Variants in DLG2 observed in about 807,000 individuals in gnomAD.
The protein encoded by DLG2 is discs large MAGUK scaffold protein 2.
A neutral mutation model predicts 132.5 loss-of-function variants in DLG2; 45 were observed. The observed-to-expected ratio is 0.34, with a 90% CI of 0.27 to 0.44. The LOEUF is 0.44. Ranked by LOEUF, DLG2 falls within the 20% of genes least tolerant of loss-of-function variation. The pLI is 1.00. For missense variants in DLG2, 1,045 were observed against 1,196.9 expected (o/e 0.87, Z 1.87); for synonymous variants, 424 against 419.6 (o/e 1.01, Z -0.13).
At chr11:85,615,089 T>C (rs1591331970) in intron 2 of DLG2, among the ~76,000 whole-genome samples, 1 of 152,234 alleles carries the variant, frequency 6.6e-6, no homozygotes, top group Non-Finnish European at 1.5e-5. Context: ...AACAAGAAGA[T>C]ATTATTAATA....
chr11:83,684,702 A>G (rs190591851), intron 18 of DLG2, among the ~76,000 whole-genome samples: 31 of 152,260 alleles, frequency 2.0e-4, no homozygotes, highest in African/African-American at 6.5e-4. Flanking sequence ...TTATTATCTG[A>G]AATGGCTTGG....
At chr11:85,048,117 C>T (rs2062533505) in intron 6 of DLG2, among the ~76,000 whole-genome samples, 1 of 151,680 alleles carries the variant, frequency 6.6e-6, no homozygotes, top group South Asian at 2.1e-4. Flanking sequence ...TTTTGACCTT[C>T]AATACATGAC....
chr11:83,656,341 G>T (rs1186944320), intron 18 of DLG2, among the ~76,000 whole-genome samples: 1 of 152,180 alleles, frequency 6.6e-6, no homozygotes, highest in Non-Finnish European at 1.5e-5. Flanking sequence ...TAGAGCCTCA[G>T]GGCCTTTCCA....
chr11:84,534,244 G>A (rs1272395858), intron 7 of DLG2, among the ~76,000 whole-genome samples: 1 of 152,170 alleles, frequency 6.6e-6, no homozygotes, highest in Non-Finnish European at 1.5e-5. Context: ...GACAAACAGA[G>A]AGCATCTGAG....
chr11:83,799,488 A>T (rs947949262), intron 17 of DLG2, among the ~76,000 whole-genome samples: 2 of 152,232 alleles, frequency 1.3e-5, no homozygotes, highest in Admixed American at 1.3e-4. Flanking sequence ...GGCCCAAATT[A>T]GGCAAATGAG....
At chr11:85,191,828 G>A (rs535033988) in intron 4 of DLG2, among the ~76,000 whole-genome samples, 1 of 152,230 alleles carries the variant, frequency 6.6e-6, no homozygotes, top group East Asian at 1.9e-4. Flanking sequence ...TCTACTAAGA[G>A]CTTTACATAC....
In DLG2 at chr11:84,666,590, A is replaced by G. The variant is rs186840077; in HGVS notation, c.358-131859T>C. Reference sequence around the variant, plus strand: ...TAGGGACCCTCTCCTCATCAGCAAAACAATTTGATATCAAAAAAGTACTCA... The same window carrying G: ...TAGGGACCCTCTCCTCATCAGCAAAGCAATTTGATATCAAAAAAGTACTCA... On this transcript the variant is annotated intron_variant, in intron 6 of 27. Coordinates refer to ENST00000376104, the MANE Select transcript of DLG2 (RefSeq NM_001142699.3). 3.4e-3 allele frequency among the ~76,000 whole-genome samples: 514 copies of G among 152,188 alleles called. 1 individual carries two copies. The highest frequency in any genetic ancestry group is 0.012 in the African/African-American group (489 of 41,538).
intron 19 of DLG2, among the ~76,000 whole-genome samples, chr11:83,578,422 C>A (rs2096917710): frequency 6.6e-6 from 1 of 152,020 alleles, no homozygotes; most frequent in Admixed American, 6.6e-5. Context: ...ACAATCATGT[C>A]AACTGTAAAA....
At chr11:84,934,546 T>TTTTTTTTTTTTTTTTTTTTTTTTTG (rs1183459468) in intron 6 of DLG2, among the ~76,000 whole-genome samples, 1 of 128,720 alleles carries the variant, frequency 7.8e-6, no homozygotes, top group Non-Finnish European at 1.6e-5. Flanking sequence ...TTTTTTTTTT[T>TTTTTTTTTTTTTTTTTTTTTTTTTG]GGTGGGTAGG....
chr11:83,739,101 C>A (rs999273696), intron 18 of DLG2, among the ~76,000 whole-genome samples: 1 of 152,080 alleles, frequency 6.6e-6, no homozygotes, highest in Non-Finnish European at 1.5e-5. Context: ...GAAAGAGAGA[C>A]ATTCACAAAG....
chr11:83,999,760 T>C (rs1160266242), intron 11 of DLG2, among the ~76,000 whole-genome samples: 1 of 152,044 alleles, frequency 6.6e-6, no homozygotes. Flanking sequence ...ATAATGCTGT[T>C]TAAAGTCAAA....
chr11:85,375,342 T>C (rs1442024381), intron 3 of DLG2, among the ~76,000 whole-genome samples: 1 of 152,206 alleles, frequency 6.6e-6, no homozygotes, highest in African/African-American at 2.4e-5. Context: ...AGTGATGTGA[T>C]GATTTCTTGC....
At chr11:85,316,726 T>C (rs972629768) in intron 3 of DLG2, among the ~76,000 whole-genome samples, 3 of 151,838 alleles carry the variant, frequency 2.0e-5, no homozygotes, top group Admixed American at 6.6e-5. Context: ...CACATAAAAA[T>C]AGAAAATCTT....
intron 16 of DLG2, among the ~76,000 whole-genome samples, chr11:83,844,142 C>T (rs1565307136): frequency 6.6e-6 from 1 of 152,032 alleles, no homozygotes; most frequent in Non-Finnish European, 1.5e-5. Flanking sequence ...AAAATTAGGA[C>T]CCTGTGAGGC....
At chr11:84,107,426 G>T (rs2093040186) in intron 9 of DLG2, among the ~76,000 whole-genome samples, 3 of 152,038 alleles carry the variant, frequency 2.0e-5, no homozygotes, top group Admixed American at 2.0e-4. Flanking sequence ...TTGTAATTAT[G>T]CTGATTAATT....
chr11:84,987,043 T>A (rs562423713), intron 6 of DLG2, among the ~76,000 whole-genome samples: 1 of 152,156 alleles, frequency 6.6e-6, no homozygotes, highest in Non-Finnish European at 1.5e-5. Flanking sequence ...CTCCTAGAAC[T>A]GATAAAAGAT....
chr11:84,313,076 T>C (rs1382894924), intron 7 of DLG2, among the ~76,000 whole-genome samples: 2 of 152,298 alleles, frequency 1.3e-5, no homozygotes, highest in East Asian at 3.9e-4. Flanking sequence ...CCCAAAGTGC[T>C]GGGATTACAG....
chr11:83,637,726 C>G (rs1217048092), intron 18 of DLG2, among the ~76,000 whole-genome samples: 1 of 152,070 alleles, frequency 6.6e-6, no homozygotes, highest in Non-Finnish European at 1.5e-5. Context: ...CTCTTCTTCC[C>G]TTCATCTATT....
intron 18 of DLG2, among the ~76,000 whole-genome samples, chr11:83,773,624 G>C (rs2094478492): frequency 6.6e-6 from 1 of 152,184 alleles, no homozygotes; most frequent in Admixed American, 6.5e-5. Context: ...CGGCATTGAA[G>C]ATCAATATTT....
Sources: gnomAD v4.1 joint callset for allele counts (sites outside exome capture counted in the v4.1 genomes callset) on GRCh38, gnomAD v4.1.1 for gene constraint, MANE v1.5 for transcripts, NCBI Gene and HGNC (gene_info 2026-07-23, HGNC 2026-07-21) for gene names.